Variants in PHF14 observed in about 807,000 individuals in gnomAD.
PHF14 encodes PHD finger protein 14.
Under a neutral mutation model 117.9 loss-of-function variants are expected in PHF14, and 55 were observed. The observed-to-expected ratio is 0.47, with a 90% CI of 0.38 to 0.58. PHF14 has a LOEUF of 0.58. Ranked by LOEUF, PHF14 falls within the 20% of genes least tolerant of loss-of-function variation. The pLI is 0.00. For missense variants in PHF14, 978 were observed against 1,122.2 expected, an observed-to-expected ratio of 0.87 and a Z score of 1.84; for synonymous variants, 409 against 368.6, an observed-to-expected ratio of 1.11 and a Z score of -1.26.
chr7:11,113,584 GTTATAC>G (rs902740448), intron 17 of PHF14, among the ~76,000 whole-genome samples: 2 of 152,034 alleles, frequency 1.3e-5, no homozygotes, highest in African/African-American at 2.4e-5. Context: ...TTGTATTTTC[GTTATAC>G]TTATATGACT....
chr7:11,050,010 T>C (rs187224419), intron 13 of PHF14, among the ~76,000 whole-genome samples: 1 of 152,336 alleles, frequency 6.6e-6, no homozygotes, highest in East Asian at 1.9e-4. Context: ...TGCTAACCTA[T>C]TCTTAAATAA....
intron 16 of PHF14, among the ~76,000 whole-genome samples, chr7:11,089,551 A>G (rs894562599): frequency 2.8e-4 from 42 of 152,216 alleles, no homozygotes; most frequent in African/African-American, 1.0e-3. Flanking sequence ...AAGGACAAAA[A>G]AGGTGTAATA....
chr7:11,013,179 G>T (rs1783412372), intron 4 of PHF14, among the ~76,000 whole-genome samples: 2 of 151,874 alleles, frequency 1.3e-5, no homozygotes, highest in South Asian at 4.2e-4. Context: ...TATTTTTTAT[G>T]AGATGGAATT....
At chr7:11,085,028 T>C (rs997543587) in intron 16 of PHF14, among the ~76,000 whole-genome samples, 1 of 152,194 alleles carries the variant, frequency 6.6e-6, no homozygotes, top group African/African-American at 2.4e-5. Context: ...GCTAATGGTA[T>C]GTTTTGCTGA....
intron 7 of PHF14, among the ~76,000 whole-genome samples, chr7:11,033,888 G>A (rs1421103063): frequency 1.3e-5 from 2 of 152,106 alleles, no homozygotes; most frequent in African/African-American, 4.8e-5. Context: ...TGTTAATGTA[G>A]TCTCCTAATT....
intron 16 of PHF14, among the ~76,000 whole-genome samples, chr7:11,078,324 G>A (rs998724528): frequency 1.3e-5 from 2 of 152,078 alleles, no homozygotes; most frequent in Non-Finnish European, 2.9e-5. Flanking sequence ...GTGAATAACA[G>A]AATATGAACC....
chr7:11,043,892 G>C (rs1784577558), intron 13 of PHF14, among the ~76,000 whole-genome samples: 1 of 151,948 alleles, frequency 6.6e-6, no homozygotes. Context: ...AACTTATATA[G>C]AGTTATGCAG....
chr7:11,154,136 A>T (rs1259475144), intron 17 of PHF14, among the ~76,000 whole-genome samples: 1 of 152,166 alleles, frequency 6.6e-6, no homozygotes, highest in Non-Finnish European at 1.5e-5. Context: ...TGGAATTTAC[A>T]TTGCAGTGAA....
chr7:11,163,163 G>A (rs1344123861), intron 17 of PHF14, among the ~76,000 whole-genome samples: 1 of 152,072 alleles, frequency 6.6e-6, no homozygotes, highest in Non-Finnish European at 1.5e-5. Context: ...TTTTTAAAAA[G>A]AGCTCTATTC....
chr7:11,120,977 C>G (rs530433143), intron 17 of PHF14, among the ~76,000 whole-genome samples: 6 of 152,064 alleles, frequency 3.9e-5, no homozygotes, highest in African/African-American at 1.4e-4. Flanking sequence ...TTGTCAAGGT[C>G]ATTAAAACTG....
intron 17 of PHF14, among the ~76,000 whole-genome samples, chr7:11,152,822 T>C (rs1277116973): frequency 2.0e-5 from 3 of 152,160 alleles, no homozygotes; most frequent in African/African-American, 7.2e-5. Context: ...ACTCACTCAC[T>C]GATACCTGCA....
intron 16 of PHF14, among the ~76,000 whole-genome samples, chr7:11,096,738 C>T (rs10274322): frequency 6.6e-6 from 1 of 152,080 alleles, no homozygotes; most frequent in Non-Finnish European, 1.5e-5. Context: ...TCAAAAAGAA[C>T]TCAAGATAAT....
chr7:11,145,774 T>C (rs1184586249), intron 17 of PHF14, among the ~76,000 whole-genome samples: 1 of 152,124 alleles, frequency 6.6e-6, no homozygotes, highest in Admixed American at 6.5e-5. Context: ...ATTATCTTAT[T>C]TTATTAAAAC....
chr7:11,012,987 T>C (rs1172576650), intron 4 of PHF14, among the ~76,000 whole-genome samples: 1 of 152,180 alleles, frequency 6.6e-6, no homozygotes, highest in Non-Finnish European at 1.5e-5. Flanking sequence ...GTTTGTATTA[T>C]AATCTGCCAC....
chr7:11,125,463 G>A (rs1365895147), intron 17 of PHF14, among the ~76,000 whole-genome samples: 1 of 152,002 alleles, frequency 6.6e-6, no homozygotes, highest in Admixed American at 6.6e-5. Flanking sequence ...AGTGTATTGA[G>A]TATAAATACA....
intron 17 of PHF14, among the ~76,000 whole-genome samples, chr7:11,124,873 G>C (rs1019748123): frequency 6.6e-6 from 1 of 151,918 alleles, no homozygotes; most frequent in Non-Finnish European, 1.5e-5. Flanking sequence ...ACTTCTAATC[G>C]GAAAGGGAAA....
rs571903998 is a variant in PHF14, at chr7:11,041,888, C to T, written c.2181-795C>T. Among the ~76,000 whole-genome samples the T allele has an allele frequency of 2.1e-4, 32 of 149,148 alleles. 1 individual carries two copies. The South Asian group carries it at 6.3e-3, about 29-fold the overall frequency. On this transcript the variant is annotated intron_variant, in intron 12 of 17. Coordinates refer to ENST00000634607, the MANE Select transcript of PHF14 (RefSeq NM_001007157.2). ...GTGTGTGTGTGTGTGTGACTTTTTT[C>T]TAGGAGTATTTAAAAAAAAAACCTA...
At chr7:11,030,063 A>G (rs13309033) in intron 7 of PHF14, among the ~76,000 whole-genome samples, 1 of 151,574 alleles carries the variant, frequency 6.6e-6, no homozygotes, top group Non-Finnish European at 1.5e-5. Flanking sequence ...AGCTGTTCCA[A>G]TCTCTTCATT....
rs1422745658 is a variant in PHF14 at position 11,122,342 on chromosome 7, TATATATATATACAC to T, written c.2772+10877_2772+10890del. On this transcript the variant is annotated intron_variant, in intron 17 of 17. Coordinates refer to ENST00000634607, the MANE Select transcript of PHF14 (RefSeq NM_001007157.2). Reference sequence around the variant, plus strand: ...ACTGTTTGTACTTTTTATATATATATATATATATATACACACACACACACACACACACACACACA... The same window carrying T: ...ACTGTTTGTACTTTTTATATATATATACACACACACACACACACACACACA... 2.2e-3 allele frequency among the ~76,000 whole-genome samples: 198 copies of T among 89,108 alleles called. 6 individuals are homozygous for T. The highest frequency in any genetic ancestry group is 0.014 in the Middle Eastern group (3 of 214). The allele number at this position is 89,108 out of a possible 152,430, so 58.5% of individuals were successfully genotyped here.
Sources: allele counts gnomAD v4.1 joint callset (sites outside exome capture counted in the v4.1 genomes callset), GRCh38; gene constraint gnomAD v4.1.1; transcripts MANE v1.5; gene names NCBI Gene and HGNC (gene_info 2026-07-23, HGNC 2026-07-21).